The following SLC39A12 variants were observed in gnomAD, a reference collection of about 807,000 sequenced individuals.
SLC39A12 encodes the protein zinc transporter ZIP12.
SLC39A12 carries 63 observed loss-of-function variants against 71.1 expected under a neutral mutation model. The observed-to-expected ratio is 0.89, with a 90% confidence interval of 0.72 to 1.09. The LOEUF (loss-of-function observed/expected upper bound fraction) is 1.09. SLC39A12 is among the 50% of genes least tolerant of loss of function. The probability of loss-of-function intolerance (pLI) is 0.00; values close to 1 mark genes in which losing one functional copy is unlikely to be tolerated. For missense variants in SLC39A12, 892 were observed against 812.6 expected, an observed-to-expected ratio of 1.10 and a Z score of -1.19; for synonymous variants, 351 against 301.3, an observed-to-expected ratio of 1.16 and a Z score of -1.71.
intron 10 of SLC39A12, among the ~76,000 whole-genome samples, chr10:17,999,227 G>A (rs892169140): frequency 6.8e-5 from 10 of 146,670 alleles, no homozygotes; most frequent in Non-Finnish European, 1.3e-4. Flanking sequence ...CCACAGAGGC[G>A]GAGGTTGTAG....
intron 12 of SLC39A12, chr10:18,005,843 G>A (rs1021128058): frequency 7.4e-6 from 1 of 135,568 alleles, no homozygotes; most frequent in Non-Finnish European, 1.7e-5. Context: ...CATCCTGGCA[G>A]AAAGACAGGA....
At chr10:18,029,019 C>G (rs1589256124) in intron 12 of SLC39A12, among the ~76,000 whole-genome samples, 1 of 151,730 alleles carries the variant, frequency 6.6e-6, no homozygotes, top group East Asian at 1.9e-4. Flanking sequence ...CACGCCCCAC[C>G]AAAACTTTTT....
intron 12 of SLC39A12, 23 bp downstream of exon 12, chr10:18,003,381 T>C: frequency 6.3e-7 from 1 of 1,586,214 alleles, no homozygotes; most frequent in Non-Finnish European, 8.6e-7. Context: ...GCTTTTCTAT[T>C]TGATTTTTCT....
intron 10 of SLC39A12, among the ~76,000 whole-genome samples, chr10:17,996,719 C>CG (rs1178279897): frequency 6.6e-6 from 1 of 152,150 alleles, no homozygotes; most frequent in Non-Finnish European, 1.5e-5. Context: ...AATGCACCGG[C>CG]GGGCGCGGTG....
At chr10:17,963,823 G>T (rs1445382493) in intron 3 of SLC39A12, among the ~76,000 whole-genome samples, 1 of 152,154 alleles carries the variant, frequency 6.6e-6, no homozygotes, top group Non-Finnish European at 1.5e-5. Flanking sequence ...GTCACTAACG[G>T]CTGCTCCAAG....
chr10:17,974,482 A>G (rs772758916), intron 4 of SLC39A12, among the ~76,000 whole-genome samples: 10 of 152,158 alleles, frequency 6.6e-5, no homozygotes, highest in Admixed American at 2.0e-4. Flanking sequence ...CAGATCTGCT[A>G]TATCTTCACC....
At chr10:18,005,211 C>T (rs189787211) in intron 12 of SLC39A12, among the ~76,000 whole-genome samples, 14 of 152,008 alleles carry the variant, frequency 9.2e-5, no homozygotes, top group Non-Finnish European at 1.9e-4. Flanking sequence ...ATATGTACCC[C>T]GGAACTTAAA....
intron 12 of SLC39A12, among the ~76,000 whole-genome samples, chr10:18,019,652 C>G (rs145546564): frequency 1.3e-5 from 2 of 151,872 alleles, no homozygotes; most frequent in African/African-American, 2.4e-5. Flanking sequence ...CTTGAGATTT[C>G]TTTCTTAACT....
At chr10:17,975,116 A>C (rs543857707) in intron 4 of SLC39A12, among the ~76,000 whole-genome samples, 1 of 152,120 alleles carries the variant, frequency 6.6e-6, no homozygotes, top group East Asian at 1.9e-4. Flanking sequence ...TCTTGAATCA[A>C]CTTCTGGTGA....
At chr10:18,012,865 C>CAAAAAAAA (rs35173291) in intron 12 of SLC39A12, among the ~76,000 whole-genome samples, 1 of 104,386 alleles carries the variant, frequency 9.6e-6, no homozygotes, top group Non-Finnish European at 1.9e-5. Flanking sequence ...GACTACGTCT[C>CAAAAAAAA]AAAAAAAAAA....
At chr10:18,015,912 C>T (rs564538731) in intron 12 of SLC39A12, among the ~76,000 whole-genome samples, 2 of 151,452 alleles carry the variant, frequency 1.3e-5, no homozygotes, top group Non-Finnish European at 2.9e-5. Context: ...GTTTTGGGTT[C>T]ACAGCAAAAC....
In SLC39A12 at chr10:18,036,746, TTATATATATATATA is replaced by T. The variant is rs1195629854; in HGVS notation, c.1948-5923_1948-5910del. Among the ~76,000 whole-genome samples, 97 of 37,496 alleles carry T rather than the reference TTATATATATATATA, an allele frequency of 2.6e-3. 1 individual carries two copies. The highest frequency in any genetic ancestry group is 4.5e-3 in the Non-Finnish European group (85 of 18,984). 24.6% of individuals were successfully genotyped at this position (37,496 alleles called of 152,430 possible). A position where few individuals can be genotyped will look rare whatever the true frequency, so the allele number is the denominator to read the frequency against. ...CATCTTGCAGTTAGCATTTTAAAAA[TTATATATATATATA>T]TATATATATATATATATATATATAT... On this transcript the variant is annotated intron_variant, in intron 12 of 12. Transcript: ENST00000377369.
chr10:18,001,392 T>C (rs1170530818), intron 11 of SLC39A12, among the ~76,000 whole-genome samples: 1 of 152,102 alleles, frequency 6.6e-6, no homozygotes, highest in African/African-American at 2.4e-5. Context: ...CCCAGGCCTG[T>C]AACCCCAGCT....
intron 5 of SLC39A12, among the ~76,000 whole-genome samples, chr10:17,978,959 T>A (rs961974635): frequency 2.0e-5 from 3 of 152,324 alleles, no homozygotes; most frequent in South Asian, 2.1e-4. Flanking sequence ...CAGAATCTAC[T>A]GAATCATAAA....
At chr10:18,030,590 T>C (rs1337748212) in intron 12 of SLC39A12, among the ~76,000 whole-genome samples, 1 of 149,800 alleles carries the variant, frequency 6.7e-6, no homozygotes, top group Non-Finnish European at 1.5e-5. Flanking sequence ...ACCAGTACTG[T>C]GATATATTTT....
intron 12 of SLC39A12, among the ~76,000 whole-genome samples, chr10:18,010,073 C>A (rs969820800): frequency 1.3e-5 from 2 of 152,064 alleles, no homozygotes; most frequent in African/African-American, 4.8e-5. Flanking sequence ...AATATTGATC[C>A]CATTCCCTCC....
chr10:17,974,909 G>A (rs564908802), intron 4 of SLC39A12, among the ~76,000 whole-genome samples: 1 of 151,806 alleles, frequency 6.6e-6, no homozygotes, highest in Admixed American at 6.5e-5. Context: ...CCAGGAACTA[G>A]AGTCAAAACC....
chr10:17,983,824 T>G (rs1391840135), intron 6 of SLC39A12, among the ~76,000 whole-genome samples: 1 of 152,010 alleles, frequency 6.6e-6, no homozygotes, highest in Non-Finnish European at 1.5e-5. Flanking sequence ...ATCACTGTCC[T>G]CAATCGAAAA....
At chr10:18,012,898 T>C (rs918669105) in intron 12 of SLC39A12, among the ~76,000 whole-genome samples, 6 of 148,804 alleles carry the variant, frequency 4.0e-5, no homozygotes, top group Non-Finnish European at 7.4e-5. Flanking sequence ...GCTTAAATCC[T>C]GCAAAAATGG....
Sources: gnomAD v4.1 joint callset for allele counts (sites outside exome capture counted in the v4.1 genomes callset) on GRCh38, gnomAD v4.1.1 for gene constraint, MANE v1.5 for transcripts, NCBI Gene and HGNC (gene_info 2026-07-23, HGNC 2026-07-21) for gene names.